Variants in VWA8 observed in about 807,000 individuals in gnomAD.
The protein encoded by VWA8 is von Willebrand factor A domain containing 8, also known as von Willebrand factor A domain-containing protein 8.
A neutral mutation model predicts 241.5 loss-of-function variants in VWA8; 221 were observed. The ratio of observed to expected loss-of-function variants is 0.91; its 90% confidence interval spans 0.82 to 1.02. VWA8 has a LOEUF of 1.02. VWA8 is among the 50% of genes least tolerant of loss of function. The pLI is 0.00. For synonymous variants in VWA8, 852 were observed against 827.1 expected (o/e 1.03, Z -0.52); for missense variants, 2,322 against 2,328.7 (o/e 1.00, Z 0.06).
chr13:41,754,804 G>A (rs932713779), intron 21 of VWA8, among the ~76,000 whole-genome samples: 14 of 151,948 alleles, frequency 9.2e-5, no homozygotes, highest in Non-Finnish European at 1.5e-4. Context: ...TTATCTCCAC[G>A]AGTTCAATTG....
chr13:41,728,239 A>G (rs1053986848), intron 23 of VWA8, among the ~76,000 whole-genome samples: 13 of 152,092 alleles, frequency 8.5e-5, no homozygotes, highest in Non-Finnish European at 5.9e-5. Flanking sequence ...TGTGATCCCC[A>G]TTAATCTTAG....
At chr13:41,609,207 A>G (rs1341584483) in intron 39 of VWA8, among the ~76,000 whole-genome samples, 1 of 152,188 alleles carries the variant, frequency 6.6e-6, no homozygotes, top group African/African-American at 2.4e-5. Flanking sequence ...CACAAATCAC[A>G]TAACGGGAAA....
intron 26 of VWA8, among the ~76,000 whole-genome samples, chr13:41,711,570 G>A (rs1028629925): frequency 2.0e-5 from 3 of 152,132 alleles, no homozygotes; most frequent in Admixed American, 6.5e-5. Flanking sequence ...ACTAAGTAAA[G>A]GATTTTTATA....
Position 41,903,108 on chromosome 13 carries a change from G to A in VWA8, c.483+4478C>T, listed in dbSNP as rs181722488. Among the ~76,000 whole-genome samples, 238 of 152,164 alleles carry A rather than the reference G, an allele frequency of 1.6e-3. 2 individuals are homozygous for A. The highest frequency in any genetic ancestry group is 3.0e-3 in the Non-Finnish European group (201 of 68,002). On this transcript the variant is annotated intron_variant, in intron 4 of 44. Coordinates refer to ENST00000379310, the MANE Select transcript of VWA8 (RefSeq NM_015058.2). ...AATAAAATAAATGCAAAGGCCTTTC[G>A]GTGTAACAAATATACGTCTAGCTGG...
chr13:41,942,808 CAAG>C (rs1200848161), intron 2 of VWA8, among the ~76,000 whole-genome samples: 1 of 152,196 alleles, frequency 6.6e-6, no homozygotes, highest in Admixed American at 6.5e-5. Flanking sequence ...TTATCCAGTG[CAAG>C]ACAGCAGTTC....
At chr13:41,832,078 A>C (rs1430248614) in intron 13 of VWA8, among the ~76,000 whole-genome samples, 4 of 152,004 alleles carry the variant, frequency 2.6e-5, no homozygotes, top group African/African-American at 4.8e-5. Context: ...CTACAGGCAC[A>C]TGCCACCACT....
intron 23 of VWA8, among the ~76,000 whole-genome samples, chr13:41,729,222 T>C (rs1344628215): frequency 6.6e-6 from 1 of 151,646 alleles, no homozygotes; most frequent in Non-Finnish European, 1.5e-5. Context: ...AATGAGCAAA[T>C]TGAAAAAAAA....
intron 9 of VWA8, among the ~76,000 whole-genome samples, chr13:41,871,504 G>A (rs927209029): frequency 2.0e-5 from 3 of 152,000 alleles, no homozygotes; most frequent in Non-Finnish European, 4.4e-5. Context: ...CCCTTCCTGT[G>A]TCCATGTGTT....
At chr13:41,818,791 T>C (rs1870816234) in intron 15 of VWA8, among the ~76,000 whole-genome samples, 1 of 152,130 alleles carries the variant, frequency 6.6e-6, no homozygotes, top group Admixed American at 6.5e-5. Flanking sequence ...CCTCCTTTTA[T>C]AGTAGGAACT....
At chr13:41,715,225 T>C (rs1333380945) in intron 26 of VWA8, among the ~76,000 whole-genome samples, 1 of 151,972 alleles carries the variant, frequency 6.6e-6, no homozygotes, top group African/African-American at 2.4e-5. Flanking sequence ...ATTACCATCA[T>C]CAATATTATT....
chr13:41,839,852 G>T (rs1004579333), intron 12 of VWA8, among the ~76,000 whole-genome samples: 1 of 152,048 alleles, frequency 6.6e-6, no homozygotes, highest in East Asian at 1.9e-4. Flanking sequence ...TTGGCTATAC[G>T]GGCTCTTTTT....
At chr13:41,851,049 G>A (rs892442220) in intron 12 of VWA8, among the ~76,000 whole-genome samples, 5 of 152,110 alleles carry the variant, frequency 3.3e-5, no homozygotes, top group African/African-American at 7.2e-5. Context: ...TACTGTCTTC[G>A]CAATTTTTAA....
chr13:41,821,797 A>G (rs1157729837), intron 14 of VWA8, among the ~76,000 whole-genome samples: 1 of 152,194 alleles, frequency 6.6e-6, no homozygotes, highest in African/African-American at 2.4e-5. Context: ...GTGAGTTTTT[A>G]TAAAGTACTT....
intron 43 of VWA8, among the ~76,000 whole-genome samples, chr13:41,573,486 A>AATAAATAAATAAATAAATATATATAT (rs1555303591): frequency 5.3e-5 from 6 of 113,596 alleles, no homozygotes; most frequent in African/African-American, 2.1e-4. Context: ...AAAAAAAAAA[A>AATAAATAAATAAATAAATATATATAT]ATATATATAT....
At chr13:41,892,155 C>T (rs1424702999) in intron 4 of VWA8, among the ~76,000 whole-genome samples, 3 of 152,046 alleles carry the variant, frequency 2.0e-5, no homozygotes, top group Non-Finnish European at 4.4e-5. Flanking sequence ...CTGACTTAAC[C>T]AGTACTACAA....
At chr13:41,650,575 C>T (rs561709982) in intron 37 of VWA8, among the ~76,000 whole-genome samples, 4 of 152,296 alleles carry the variant, frequency 2.6e-5, no homozygotes, top group East Asian at 1.9e-4. Context: ...TGAGGGACCT[C>T]GTAAAAGCTT....
intron 37 of VWA8, among the ~76,000 whole-genome samples, chr13:41,627,427 C>G (rs1028068135): frequency 6.6e-6 from 1 of 152,092 alleles, no homozygotes; most frequent in Non-Finnish European, 1.5e-5. Flanking sequence ...TTTGGTGAAC[C>G]AGCCAGGAGG....
At chr13:41,700,000 G>T (rs950016918) in intron 28 of VWA8, among the ~76,000 whole-genome samples, 1 of 152,120 alleles carries the variant, frequency 6.6e-6, no homozygotes, top group Non-Finnish European at 1.5e-5. Flanking sequence ...TAATGCTGCT[G>T]GTTTGAGATC....
chr13:41,906,680 TTA>T (rs1433636405), intron 4 of VWA8, among the ~76,000 whole-genome samples: 1 of 152,192 alleles, frequency 6.6e-6, no homozygotes, highest in Non-Finnish European at 1.5e-5. Flanking sequence ...TTTTCATGTT[TTA>T]TGTGAATATA....
Sources: gnomAD v4.1 joint callset for allele counts (sites outside exome capture counted in the v4.1 genomes callset) on GRCh38, gnomAD v4.1.1 for gene constraint, MANE v1.5 for transcripts, NCBI Gene and HGNC (gene_info 2026-07-23, HGNC 2026-07-21) for gene names.